ROBO1: variants seen among roughly 807,000 people sequenced by gnomAD.
ROBO1 encodes roundabout homolog 1.
Under a neutral mutation model 195.9 loss-of-function variants are expected in ROBO1, and 149 were observed. That is an observed-to-expected ratio of 0.76 (90% CI 0.67 to 0.87). The LOEUF (loss-of-function observed/expected upper bound fraction) is 0.87. Ranked by LOEUF, ROBO1 falls within the 40% of genes least tolerant of loss-of-function variation. The pLI is 0.00. For synonymous variants in ROBO1, 816 were observed against 733.2 expected, an observed-to-expected ratio of 1.11 and a Z score of -1.82; for missense variants, 1,933 against 2,068.3, an observed-to-expected ratio of 0.93 and a Z score of 1.27.
chr3:78,883,386 G>A lies in ROBO1; in HGVS notation c.499+55215C>T, dbSNP rs111450254. Among the ~76,000 whole-genome samples the A allele has an allele frequency of 9.2e-3, 1,394 of 151,798 alleles. 18 individuals carry two copies. The highest frequency in any genetic ancestry group is 0.034 in the Middle Eastern group (10 of 292). ...CTGTTTGTCTTCAACCACATGAGAC[G>A]CAGATATGTATTATAAACAGGCTCT... On this transcript the variant is annotated intron_variant, in intron 4 of 30. Coordinates refer to ENST00000464233, the MANE Select transcript of ROBO1 (RefSeq NM_002941.4).
chr3:79,125,447 A>G lies in ROBO1; in HGVS notation c.172+9T>C. ...GAGGAAGTTAGTATTTGGGAAAGAG[A>G]CACTCTACCTGTATAGCCCAGCGAA... On this transcript the variant is annotated intron_variant, in intron 3 of 30. Transcript: ENST00000464233. 1 of 1,611,798 alleles carries G rather than the reference A, an allele frequency of 6.2e-7. No individual in the cohort carries two copies.
At chr3:79,117,047 C>T (rs1440413643) in intron 3 of ROBO1, among the ~76,000 whole-genome samples, 2 of 151,964 alleles carry the variant, frequency 1.3e-5, no homozygotes, top group Admixed American at 6.6e-5. Context: ...GATTATATGT[C>T]CCTATGCTGT....
rs1703083144 is a variant in ROBO1 at position 78,600,133 on chromosome 3, C to T, written c.4921G>A (p.Asp1641Asn). 3 of 1,611,946 alleles carry T rather than the reference C, an allele frequency of 1.9e-6. No homozygotes were observed. The African/African-American group carries it at 4.0e-5, about 22-fold the overall frequency. ...GATACCTCTAATTCTTCATTATTATCTTCTCCTCTTTCATATCCTCCAAGT... is the reference window on the plus strand; with the variant it reads ...GATACCTCTAATTCTTCATTATTATTTTCTCCTCTTTCATATCCTCCAAGT... ...QVLGGYERGE[D>N]NNEELEETES Residue 1641 changes from aspartate (D) to asparagine (N), a missense_variant, in exon 30 of 31, where the codon GAT becomes AAT. Coordinates refer to ENST00000464233, the MANE Select transcript of ROBO1 (RefSeq NM_002941.4).
intron 2 of ROBO1, among the ~76,000 whole-genome samples, chr3:79,251,503 A>T (rs2082728529): frequency 6.6e-6 from 1 of 152,222 alleles, no homozygotes; most frequent in Admixed American, 6.5e-5. Flanking sequence ...CTGTAATCCC[A>T]GCACTTTGGG....
At chr3:79,020,860 C>A (rs955606407) in intron 3 of ROBO1, among the ~76,000 whole-genome samples, 1 of 151,692 alleles carries the variant, frequency 6.6e-6, no homozygotes, top group African/African-American at 2.4e-5. Context: ...GTGGTTGCCT[C>A]TGGAGGACAG....
At chr3:79,074,355 G>A (rs1559640409) in intron 3 of ROBO1, among the ~76,000 whole-genome samples, 1 of 151,930 alleles carries the variant, frequency 6.6e-6, no homozygotes, top group Non-Finnish European at 1.5e-5. Flanking sequence ...TATCATGAAT[G>A]TCTTTTGAAT....
intron 4 of ROBO1, among the ~76,000 whole-genome samples, chr3:78,772,160 A>T (rs1478562789): frequency 6.6e-6 from 1 of 152,012 alleles, no homozygotes; most frequent in Non-Finnish European, 1.5e-5. Flanking sequence ...AATGTCATTT[A>T]TGTCTGGAAA....
chr3:79,251,553 C>T (rs991015243), intron 2 of ROBO1, among the ~76,000 whole-genome samples: 6 of 152,046 alleles, frequency 3.9e-5, no homozygotes, highest in Non-Finnish European at 8.8e-5. Flanking sequence ...GAGATTCAGA[C>T]CATCCTGGCT....
intron 2 of ROBO1, among the ~76,000 whole-genome samples, chr3:79,300,231 G>A (rs975115959): frequency 6.6e-6 from 1 of 152,198 alleles, no homozygotes; most frequent in Non-Finnish European, 1.5e-5. Flanking sequence ...AGAGGCGTGA[G>A]CGGGAACTGC....
intron 4 of ROBO1, among the ~76,000 whole-genome samples, chr3:78,833,272 T>C (rs1375809437): frequency 6.6e-6 from 1 of 152,196 alleles, no homozygotes; most frequent in Non-Finnish European, 1.5e-5. Context: ...AAGCCGTGTT[T>C]CACAGTTAAT....
At chr3:79,436,223 C>G (rs2038881313) in intron 2 of ROBO1, among the ~76,000 whole-genome samples, 1 of 152,086 alleles carries the variant, frequency 6.6e-6, no homozygotes, top group Non-Finnish European at 1.5e-5. Flanking sequence ...TGAAACTTAA[C>G]AAATTGCATA....
At chr3:78,958,122 T>A (rs995076469) in intron 3 of ROBO1, among the ~76,000 whole-genome samples, 1 of 152,222 alleles carries the variant, frequency 6.6e-6, no homozygotes, top group Non-Finnish European at 1.5e-5. Context: ...AGAGGATTTT[T>A]CTTTTGAAAT....
chr3:79,161,460 G>T (rs56794214), intron 2 of ROBO1, among the ~76,000 whole-genome samples: 3,433 of 152,014 alleles, frequency 0.023, 106 homozygotes, highest in African/African-American at 0.074. Flanking sequence ...AATAGCCTAT[G>T]CACTTGAGTA....
chr3:79,283,575 G>A (rs866826969), intron 2 of ROBO1, among the ~76,000 whole-genome samples: 11 of 152,080 alleles, frequency 7.2e-5, no homozygotes, highest in African/African-American at 2.4e-4. Flanking sequence ...AGGAAATATC[G>A]GAATTGCTCA....
chr3:79,659,437 G>A (rs920550309), intron 1 of ROBO1, among the ~76,000 whole-genome samples: 1 of 152,016 alleles, frequency 6.6e-6, no homozygotes, highest in South Asian at 2.1e-4. Context: ...TGTGTAGGAA[G>A]TAGTTTGTTA....
intron 3 of ROBO1, among the ~76,000 whole-genome samples, chr3:78,946,780 C>G (rs2040469005): frequency 1.3e-5 from 2 of 152,234 alleles, no homozygotes; most frequent in South Asian, 2.1e-4. Flanking sequence ...GGAGACCCAT[C>G]TCACGTGCAG....
At chr3:78,809,826 A>G (rs1449570098) in intron 4 of ROBO1, among the ~76,000 whole-genome samples, 1 of 151,910 alleles carries the variant, frequency 6.6e-6, no homozygotes, top group African/African-American at 2.4e-5. Context: ...AACATCACAC[A>G]CCGAAGCCTC....
At chr3:79,418,140 G>A (rs2038081173) in intron 2 of ROBO1, among the ~76,000 whole-genome samples, 1 of 152,048 alleles carries the variant, frequency 6.6e-6, no homozygotes. Context: ...GTTTTCTTGT[G>A]TTTTTACCAT....
At chr3:78,800,364 A>G (rs2084328059) in intron 4 of ROBO1, among the ~76,000 whole-genome samples, 1 of 152,192 alleles carries the variant, frequency 6.6e-6, no homozygotes, top group Non-Finnish European at 1.5e-5. Context: ...TGGCCTAATT[A>G]TAAAATAGAA....
Sources: gnomAD v4.1 joint callset for allele counts (sites outside exome capture counted in the v4.1 genomes callset) on GRCh38, gnomAD v4.1.1 for gene constraint, MANE v1.5 for transcripts, NCBI Gene and HGNC (gene_info 2026-07-23, HGNC 2026-07-21) for gene names.